NFKBID: variants seen among roughly 807,000 people sequenced by gnomAD.
NFKBID encodes NF-kappa-B inhibitor delta.
NFKBID carries 26 observed loss-of-function variants against 53.4 expected under a neutral mutation model. That is an observed-to-expected ratio of 0.49 (90% confidence interval 0.36 to 0.68). NFKBID has a LOEUF of 0.68. NFKBID is among the 30% of genes least tolerant of loss of function. The pLI is 0.00. For synonymous variants in NFKBID, 262 were observed against 259.8 expected (o/e 1.01, Z -0.08); for missense variants, 493 against 614.1 (o/e 0.80, Z 2.08).
chr19:35,890,253 C>T (rs1974665257), intron 10 of NFKBID, 121 bp downstream of exon 10: 1 of 863,572 alleles, frequency 1.2e-6, no homozygotes, highest in South Asian at 1.6e-5. Context: ...GCTTCCTATA[C>T]TTTCCCCTGC....
intron 9 of NFKBID, chr19:35,890,707 T>C (rs1163813237): frequency 3.4e-6 from 2 of 582,362 alleles, no homozygotes; most frequent in South Asian, 1.6e-5. Context: ...CTACAAAAAA[T>C]AGAAAAATTA....
rs759087026 is a variant in NFKBID, at chr19:35,896,780, C to T, written c.630G>A (p.Ala210=). Reference sequence around the variant, plus strand: ...GCCGGTACACCTGGAGCACCTCAGCCGCAGCATATGCCGCCCAGCGCAGCC... The same window carrying T: ...GCCGGTACACCTGGAGCACCTCAGCTGCAGCATATGCCGCCCAGCGCAGCC... Residue 210 remains alanine, a synonymous_variant, in exon 6 of 12, where the codon GCG becomes GCA. Coordinates refer to ENST00000641389, the Ensembl canonical transcript of NFKBID. The surrounding 1 kb of genome is among the most constrained non-coding windows in gnomAD (Gnocchi z 5.7). 25 of 1,613,862 alleles carry T rather than the reference C, an allele frequency of 1.5e-5. No individual in the cohort carries two copies. The highest frequency in any genetic ancestry group is 2.2e-5 in the South Asian group (2 of 91,082).
intron 9 of NFKBID, 35 bp downstream of exon 9, chr19:35,895,945 T>C (rs199574118): frequency 6.3e-7 from 1 of 1,587,934 alleles, no homozygotes; most frequent in African/African-American, 1.3e-5. Flanking sequence ...TTCCACACAA[T>C]CTCCCAGGGT....
chr19:35,894,085 C>T (rs1308030350), intron 9 of NFKBID, among the ~76,000 whole-genome samples: 2 of 151,808 alleles, frequency 1.3e-5, no homozygotes, highest in African/African-American at 4.8e-5. Flanking sequence ...AGGGAAACCC[C>T]GTCTCCATTA....
intron 9 of NFKBID, among the ~76,000 whole-genome samples, chr19:35,893,412 G>A (rs765512912): frequency 3.0e-4 from 46 of 152,018 alleles, no homozygotes; most frequent in East Asian, 1.9e-4. Flanking sequence ...AGTCATGCCC[G>A]TCCTTCTTAC....
chr19:35,892,518 T>G (rs1974838337), intron 9 of NFKBID, among the ~76,000 whole-genome samples: 1 of 147,446 alleles, frequency 6.8e-6, no homozygotes. Flanking sequence ...CACTCCAACC[T>G]GGGCGACAGA....
intron 11 of NFKBID, among the ~76,000 whole-genome samples, chr19:35,889,019 T>C (rs1974563799): frequency 6.7e-6 from 1 of 148,214 alleles, no homozygotes; most frequent in Non-Finnish European, 1.5e-5. Flanking sequence ...CACTCCAGCC[T>C]GGGTGACAAA....
chr19:35,898,702 TG>T lies in NFKBID; in HGVS notation c.165+16del. On this transcript the variant is annotated intron_variant, in intron 2 of 11. Transcript: ENST00000641389. ...ACAGCACGGGGCCTCCGGAGAGCTG[TG>T]GCTCCCTGGCCTCACCTGCACCCCG... 2 of 1,533,444 alleles carry T rather than the reference TG, an allele frequency of 1.3e-6. 1 individual carries two copies. The highest frequency in any genetic ancestry group is 2.4e-5 in the South Asian group (2 of 83,948). The allele number at this position is 1,533,444 out of a possible 1,614,324, so 95.0% of individuals were successfully genotyped here. A position where few individuals can be genotyped will look rare whatever the true frequency, so the allele number is the denominator to read the frequency against.
At chr19:35,892,109 G>A (rs1233776562) in intron 9 of NFKBID, among the ~76,000 whole-genome samples, 4 of 151,804 alleles carry the variant, frequency 2.6e-5, no homozygotes, top group East Asian at 3.9e-4. Flanking sequence ...GGAGTGTGGT[G>A]GCAAAATCAT....
At position 35,896,232 on chromosome 19, in the gene NFKBID, G is replaced by C. The variant is rs1239754240; in HGVS notation, c.869C>G (p.Ala290Gly). The stretch of plus-strand genomic sequence containing the variant: ...ACCCAACTTACCCTCGAAGTCTCTG[G>C]CTTCCAGGTCAACCTGGACCCCAGA... Residue 290 changes from alanine (A) to glycine (G), a missense_variant, in exon 8 of 12, where the codon GCC becomes GGC. Physicochemically the swap from Ala to Gly is moderately conservative, Grantham distance 60. This residue lies in a region of NFKBID where 267 missense variants were observed against 384.6 expected (regional missense o/e 0.69). Transcript: ENST00000641389. The surrounding 1 kb of genome is among the most constrained non-coding windows in gnomAD (Gnocchi z 5.7). 6.2e-7 allele frequency: 1 copy of C among 1,614,214 alleles called. No individual in the cohort carries two copies. Among genetic ancestry groups the C allele is most frequent in the Non-Finnish European group, 8.5e-7 (1 of 1,180,032 alleles).
chr19:35,902,277 C>T (rs1247188716), upstream of NFKBID: 10 of 706,842 alleles, frequency 1.4e-5, no homozygotes, highest in Non-Finnish European at 2.1e-5. Context: ...CTCAAACACA[C>T]CCACATTCAT....
rs759087026 is a variant in NFKBID at position 35,896,780 on chromosome 19, C to A, written c.630G>T (p.Ala210=). ...GCCGGTACACCTGGAGCACCTCAGC[C>A]GCAGCATATGCCGCCCAGCGCAGCC... The change falls in exon 6 of 12, where the codon GCG becomes GCT. Residue 210 remains alanine (A), a synonymous_variant. Coordinates refer to ENST00000641389, the Ensembl canonical transcript of NFKBID. This position sits in a 1 kb window ranked among gnomAD's most constrained non-coding sequence, Gnocchi z 5.7. The A allele has an allele frequency of 6.2e-7, 1 of 1,613,980 alleles. No individual in the cohort carries two copies. The highest frequency in any genetic ancestry group is 8.5e-7 in the Non-Finnish European group (1 of 1,179,900).
chr19:35,897,052 G>T (rs1048222404), exon 5 of NFKBID: 6 of 1,601,938 alleles, frequency 3.7e-6, no homozygotes, highest in Non-Finnish European at 5.1e-6. Flanking sequence ...ACTCTCCAGG[G>T]TCCAGCCTGT....
chr19:35,890,769 C>A, intron 9 of NFKBID: 4 of 421,020 alleles, frequency 9.5e-6, no homozygotes, highest in South Asian at 5.8e-5. Context: ...GAGGCTGAGG[C>A]AGGAGGTTCA....
At chr19:35,898,858 TCCTTAAGTCA>T in intron 1 of NFKBID, 36 bp from the exon 2 acceptor site, 1 of 1,491,910 alleles carries the variant, frequency 6.7e-7, no homozygotes, top group Non-Finnish European at 9.0e-7. Context: ...TCATCAAGGG[TCCTTAAGTCA>T]CCTAAATGCC....
At chr19:35,898,907 G>T in intron 1 of NFKBID, 85 bp from the exon 2 acceptor site, 2 of 1,022,590 alleles carry the variant, frequency 2.0e-6, no homozygotes, top group South Asian at 1.4e-5. Context: ...GAGTGGGTTT[G>T]GGCACCCTCC....
intron 9 of NFKBID, among the ~76,000 whole-genome samples, chr19:35,894,620 T>C (rs1056900467): frequency 6.6e-6 from 1 of 151,122 alleles, no homozygotes. Flanking sequence ...ATCACTTAAG[T>C]GCACAAGGTC....
Position 35,897,637 on chromosome 19 carries a change from A to C in NFKBID, c.432+14T>G. 7.2e-7 allele frequency: 1 copy of C among 1,391,686 alleles called. No homozygotes were observed. 86.2% of individuals were successfully genotyped at this position (1,391,686 alleles called of 1,614,324 possible). On this transcript the variant is annotated intron_variant, in intron 4 of 11. Coordinates refer to ENST00000641389, the Ensembl canonical transcript of NFKBID. Reference sequence around the variant, plus strand: ...AGGGGCCCTTCAGCATCCTGTACCCACTCTGTATCTCACCTCCATGCCCTG... The same window carrying C: ...AGGGGCCCTTCAGCATCCTGTACCCCCTCTGTATCTCACCTCCATGCCCTG...
intron 9 of NFKBID, among the ~76,000 whole-genome samples, chr19:35,893,328 G>T (rs1243181562): frequency 6.6e-6 from 1 of 152,054 alleles, no homozygotes; most frequent in Admixed American, 6.6e-5. Flanking sequence ...GCTCTACTTT[G>T]CAACCATTAA....
Sources: gnomAD v4.1 joint callset for allele counts (sites outside exome capture counted in the v4.1 genomes callset) on GRCh38, gnomAD v4.1.1 for gene constraint, gnomAD v4.1.1 regional missense constraint, Gnocchi (gnomAD v3.1) non-coding constraint, MANE v1.5 for transcripts, NCBI Gene and HGNC (gene_info 2026-07-23, HGNC 2026-07-21) for gene names.